The following TMPRSS11D variants were observed in gnomAD, a reference collection of about 807,000 sequenced individuals.
TMPRSS11D encodes the protein transmembrane protease serine 11D.
Under a neutral mutation model 44.4 loss-of-function variants are expected in TMPRSS11D, and 32 were observed. The ratio of observed to expected loss-of-function variants is 0.72; its 90% confidence interval spans 0.54 to 0.97. TMPRSS11D has a LOEUF of 0.97. Ranked by LOEUF, TMPRSS11D falls within the 50% of genes least tolerant of loss-of-function variation. TMPRSS11D has a pLI of 0.00. For missense variants in TMPRSS11D, 446 were observed against 502.6 expected (o/e 0.89, Z 1.08); for synonymous variants, 179 against 177.9 (o/e 1.01, Z -0.05).
At chr4:67,835,179 T>C in intron 5 of TMPRSS11D, 58 bp from the exon 6 acceptor site, 1 of 1,493,034 alleles carries the variant, frequency 6.7e-7, no homozygotes, top group Non-Finnish European at 9.3e-7. Flanking sequence ...CATTTCACCA[T>C]AATTTCTTAA....
At chr4:67,857,470 C>A (rs1408960050) in intron 2 of TMPRSS11D, among the ~76,000 whole-genome samples, 2 of 151,732 alleles carry the variant, frequency 1.3e-5, no homozygotes, top group African/African-American at 2.4e-5. Flanking sequence ...CAAAATTAGC[C>A]AGGCATGGTG....
rs902099453 is a variant in TMPRSS11D, at chr4:67,859,791, T to TA, written c.9-114dup. 1.4e-5 allele frequency: 20 copies of TA among 1,387,348 alleles called. No homozygotes were observed. The Admixed American group carries it at 3.8e-4, about 27-fold the overall frequency. 85.9% of individuals were successfully genotyped at this position (1,387,348 alleles called of 1,614,324 possible). ...CGGTCTCTTATCTGGGACATGGCTC[T>TA]AGCCATAGAAACATATTCGTAGATA... On this transcript the variant is annotated intron_variant, in intron 1 of 9. Coordinates refer to ENST00000283916, the MANE Select transcript of TMPRSS11D (RefSeq NM_004262.3).
chr4:67,883,025 A>G (rs1719357425), intron 1 of TMPRSS11D, among the ~76,000 whole-genome samples: 2 of 151,764 alleles, frequency 1.3e-5, no homozygotes, highest in African/African-American at 2.4e-5. Flanking sequence ...ACTCATATAT[A>G]TATATTCAAG....
intron 8 of TMPRSS11D, 37 bp from the exon 9 acceptor site, chr4:67,825,911 AG>A (rs1272640069): frequency 3.1e-6 from 5 of 1,593,762 alleles, no homozygotes; most frequent in Non-Finnish European, 3.4e-6. Flanking sequence ...ATGGACTTCA[AG>A]ATGTGTACAT....
chr4:67,882,901 A>C (rs1719353548), intron 1 of TMPRSS11D, among the ~76,000 whole-genome samples: 1 of 152,000 alleles, frequency 6.6e-6, no homozygotes, highest in Admixed American at 6.6e-5. Context: ...CTCAGTATGT[A>C]AATTACTTCA....
Position 67,883,896 on chromosome 4 carries a change from T to C in TMPRSS11D, c.8+30A>G, listed in dbSNP as rs201856718. 414 of 1,581,396 alleles carry C rather than the reference T, an allele frequency of 2.6e-4. No homozygotes were observed. The African/African-American group carries it at 4.9e-3, about 19-fold the overall frequency. ...ATACTGTAAGATATAGTAAAACTTT[T>C]AAAGCTACAAAGACAAAAACAGGAC... On this transcript the variant is annotated intron_variant, in intron 1 of 9. Transcript: ENST00000283916.
At chr4:67,841,548 A>G (rs1718230598) in intron 4 of TMPRSS11D, among the ~76,000 whole-genome samples, 1 of 152,166 alleles carries the variant, frequency 6.6e-6, no homozygotes, top group South Asian at 2.1e-4. Context: ...TTATGGTGGT[A>G]TTGAAGCCAG....
chr4:67,881,739 T>A (rs1364125786), intron 1 of TMPRSS11D, among the ~76,000 whole-genome samples: 2 of 152,260 alleles, frequency 1.3e-5, no homozygotes, highest in East Asian at 3.9e-4. Flanking sequence ...AGGCAGGGCA[T>A]CTGATTGTCT....
intron 1 of TMPRSS11D, among the ~76,000 whole-genome samples, chr4:67,873,616 C>T (rs1719111163): frequency 6.6e-6 from 1 of 152,124 alleles, no homozygotes; most frequent in Non-Finnish European, 1.5e-5. Flanking sequence ...TTTAGTCCAG[C>T]ACTTCTCAAT....
At position 67,869,214 on chromosome 4, in the gene TMPRSS11D, T is replaced by A. The variant is rs566237374; in HGVS notation, c.9-9536A>T. On this transcript the variant is annotated intron_variant, in intron 1 of 9. Transcript: ENST00000283916. ...GGAAGTGTTCTTTTTGAAGTCATTATCTTAGAGGTAGTATTTGAAGCTCTG... is the reference window on the plus strand; with the variant it reads ...GGAAGTGTTCTTTTTGAAGTCATTAACTTAGAGGTAGTATTTGAAGCTCTG... Among the ~76,000 whole-genome samples the A allele has an allele frequency of 8.1e-4, 124 of 152,330 alleles. 1 individual carries two copies. In the South Asian group the frequency reaches 0.025, roughly 31 times the overall value.
chr4:67,841,763 T>C (rs1319488635), intron 4 of TMPRSS11D, among the ~76,000 whole-genome samples: 1 of 152,184 alleles, frequency 6.6e-6, no homozygotes, highest in African/African-American at 2.4e-5. Context: ...ACTCTTCTTA[T>C]CCCTTTAACT....
At chr4:67,834,158 TC>T (rs1446823451) in intron 6 of TMPRSS11D, among the ~76,000 whole-genome samples, 1 of 152,206 alleles carries the variant, frequency 6.6e-6, no homozygotes, top group African/African-American at 2.4e-5. Context: ...ATAATTTTCT[TC>T]TTTTGTGTGG....
chr4:67,876,039 C>T (rs572557059), intron 1 of TMPRSS11D, among the ~76,000 whole-genome samples: 1 of 152,308 alleles, frequency 6.6e-6, no homozygotes, highest in South Asian at 2.1e-4. Context: ...GTCTCCTGAA[C>T]AAATGTACTT....
intron 2 of TMPRSS11D, among the ~76,000 whole-genome samples, chr4:67,855,021 C>A (rs911315884): frequency 2.0e-5 from 3 of 151,764 alleles, no homozygotes; most frequent in African/African-American, 7.3e-5. Flanking sequence ...CTTTGGGAGG[C>A]CAAGGTGGGT....
intron 6 of TMPRSS11D, among the ~76,000 whole-genome samples, chr4:67,834,070 C>T (rs566338023): frequency 6.6e-6 from 1 of 152,248 alleles, no homozygotes; most frequent in South Asian, 2.1e-4. Flanking sequence ...TTTCAAAGAG[C>T]TCGTGAATAG....
intron 3 of TMPRSS11D, among the ~76,000 whole-genome samples, chr4:67,852,713 A>G (rs562533876): frequency 6.6e-6 from 1 of 152,304 alleles, no homozygotes; most frequent in Non-Finnish European, 1.5e-5. Context: ...AGACTCTTGG[A>G]CAGGAACCAG....
At chr4:67,851,431 G>A (rs1718505936) in intron 3 of TMPRSS11D, among the ~76,000 whole-genome samples, 1 of 152,188 alleles carries the variant, frequency 6.6e-6, no homozygotes, top group Non-Finnish European at 1.5e-5. Context: ...GCAGACAGAT[G>A]CTAGAACAAA....
At chr4:67,847,200 G>A (rs1335775248) in intron 3 of TMPRSS11D, among the ~76,000 whole-genome samples, 3 of 152,110 alleles carry the variant, frequency 2.0e-5, no homozygotes, top group African/African-American at 7.2e-5. Context: ...CACTGCATCC[G>A]GCCTTAAAAA....
chr4:67,878,787 G>A (rs997232980), intron 1 of TMPRSS11D, among the ~76,000 whole-genome samples: 2 of 152,008 alleles, frequency 1.3e-5, no homozygotes, highest in Non-Finnish European at 2.9e-5. Context: ...GGCTGGGCGT[G>A]GTGGCACGTG....
Sources: gnomAD v4.1 joint callset for allele counts (sites outside exome capture counted in the v4.1 genomes callset) on GRCh38, gnomAD v4.1.1 for gene constraint, MANE v1.5 for transcripts, NCBI Gene and HGNC (gene_info 2026-07-23, HGNC 2026-07-21) for gene names.